Variants in FNIP1 observed in about 807,000 individuals in gnomAD.
FNIP1 encodes the protein folliculin-interacting protein 1.
FNIP1 carries 40 observed loss-of-function variants against 124.5 expected under a neutral mutation model. That is an observed-to-expected ratio of 0.32 (90% CI 0.25 to 0.42). FNIP1 has a LOEUF of 0.42. FNIP1 is among the 10% of genes least tolerant of loss of function. FNIP1 has a pLI of 1.00. For missense variants in FNIP1, 1,176 were observed against 1,403.7 expected, an observed-to-expected ratio of 0.84 and a Z score of 2.59; for synonymous variants, 472 against 470.6, an observed-to-expected ratio of 1.00 and a Z score of -0.04.
chr5:131,684,189 C>T lies in FNIP1; in HGVS notation c.1203-5014G>A, dbSNP rs536225522. Among the ~76,000 whole-genome samples the T allele has an allele frequency of 2.0e-5, 3 of 152,274 alleles. No individual in the cohort carries two copies. The East Asian group carries it at 5.8e-4, about 29-fold the overall frequency. On this transcript the variant is annotated intron_variant, in intron 11 of 17. Coordinates refer to ENST00000510461, the MANE Select transcript of FNIP1 (RefSeq NM_133372.3). ...AATGTCAAAAAAGTATATTTGTTAA[C>T]AGTATGAGAATTAAAACAAGAAGGC... is the stretch of plus-strand genomic sequence containing the variant.
intron 11 of FNIP1, among the ~76,000 whole-genome samples, chr5:131,684,043 T>C (rs1768182598): frequency 6.6e-6 from 1 of 152,214 alleles, no homozygotes; most frequent in African/African-American, 2.4e-5. Flanking sequence ...TTCTGTAAGG[T>C]ACATCACAAT....
rs1767190931 is a variant in FNIP1, at chr5:131,656,310, C to A, written c.3109-4311G>T. Among the ~76,000 whole-genome samples, 4 of 152,172 alleles carry A rather than the reference C, an allele frequency of 2.6e-5. No homozygotes were observed. In the South Asian group the frequency reaches 8.3e-4, roughly 31 times the overall value. On this transcript the variant is annotated intron_variant, in intron 15 of 17. Transcript: ENST00000510461. Reference sequence around the variant, plus strand: ...AAGTAGCTGTGGTTACCCATCATTTCAAGATCAATGAATCCACCATGAGGA... The same window carrying A: ...AAGTAGCTGTGGTTACCCATCATTTAAAGATCAATGAATCCACCATGAGGA...
intron 11 of FNIP1, among the ~76,000 whole-genome samples, chr5:131,695,059 C>T (rs962762569): frequency 6.6e-6 from 1 of 151,774 alleles, no homozygotes; most frequent in Non-Finnish European, 1.5e-5. Context: ...GAGTTGAGAT[C>T]GTGCTACTGC....
chr5:131,645,809 T>C (rs1358738628), intron 17 of FNIP1, among the ~76,000 whole-genome samples: 1 of 152,186 alleles, frequency 6.6e-6, no homozygotes, highest in Non-Finnish European at 1.5e-5. Context: ...TTAGGAAGAA[T>C]GAGATTATTC....
chr5:131,719,240 T>A, intron 4 of FNIP1, 77 bp downstream of exon 4: 1 of 1,307,702 alleles, frequency 7.6e-7, no homozygotes, highest in Non-Finnish European at 1.1e-6. Flanking sequence ...TGAGTGAAGA[T>A]CATATAAAAT....
Position 131,774,905 on chromosome 5 carries a change from T to C in FNIP1, c.92+21925A>G, listed in dbSNP as rs3775990. Among the ~76,000 whole-genome samples the C allele has an allele frequency of 5.3e-5, 8 of 152,240 alleles. No individual in the cohort carries two copies. The East Asian group carries it at 1.5e-3, about 29-fold the overall frequency. ...CCCATAAATGTTTCCTCATGCTCTC[T>C]AACTGCTATGGTATCTTCTATTAAT... On this transcript the variant is annotated intron_variant, in intron 1 of 17. Coordinates refer to ENST00000510461, the MANE Select transcript of FNIP1 (RefSeq NM_133372.3).
chr5:131,787,416 A>G (rs1229928378), intron 1 of FNIP1, among the ~76,000 whole-genome samples: 1 of 152,214 alleles, frequency 6.6e-6, no homozygotes, highest in African/African-American at 2.4e-5. Context: ...AGATGCAAGC[A>G]TACACACAGA....
intron 16 of FNIP1, among the ~76,000 whole-genome samples, chr5:131,648,948 T>C (rs1201194715): frequency 1.3e-5 from 2 of 152,240 alleles, no homozygotes; most frequent in East Asian, 3.8e-4. Flanking sequence ...CTTAGCATAA[T>C]GCTTATGAGG....
At chr5:131,654,820 A>G (rs987136942) in intron 15 of FNIP1, among the ~76,000 whole-genome samples, 1 of 152,242 alleles carries the variant, frequency 6.6e-6, no homozygotes, top group Non-Finnish European at 1.5e-5. Context: ...GTGAGAAATG[A>G]TATTGAGAAA....
intron 15 of FNIP1, among the ~76,000 whole-genome samples, chr5:131,661,627 T>C (rs553518106): frequency 1.3e-5 from 2 of 152,306 alleles, no homozygotes; most frequent in East Asian, 1.9e-4. Context: ...ACACAGCCTA[T>C]TGGGTGACAT....
intron 9 of FNIP1, 29 bp downstream of exon 9, chr5:131,706,382 C>T (rs780319634): frequency 6.3e-7 from 1 of 1,591,762 alleles, no homozygotes; most frequent in Non-Finnish European, 8.6e-7. Context: ...ACTACTCAAT[C>T]TTGTTCTGTG....
intron 10 of FNIP1, among the ~76,000 whole-genome samples, chr5:131,699,325 T>A (rs1386848217): frequency 6.6e-6 from 1 of 151,824 alleles, no homozygotes; most frequent in Non-Finnish European, 1.5e-5. Context: ...GAACAAGACA[T>A]AATGATAACT....
At chr5:131,776,529 T>C (rs192438320) in intron 1 of FNIP1, among the ~76,000 whole-genome samples, 2 of 152,340 alleles carry the variant, frequency 1.3e-5, no homozygotes, top group East Asian at 1.9e-4. Context: ...AAATTGTATC[T>C]TCACATAACA....
intron 1 of FNIP1, among the ~76,000 whole-genome samples, chr5:131,754,874 G>A (rs1770992053): frequency 6.6e-6 from 1 of 152,192 alleles, no homozygotes; most frequent in Admixed American, 6.5e-5. Flanking sequence ...CTGAACTAAG[G>A]AATAGCACTG....
intron 1 of FNIP1, among the ~76,000 whole-genome samples, chr5:131,778,938 T>A (rs1283721806): frequency 8.7e-6 from 1 of 114,506 alleles, no homozygotes; most frequent in South Asian, 3.4e-4. Flanking sequence ...TAGGTGGGAA[T>A]TGAACAATGA....
intron 6 of FNIP1, among the ~76,000 whole-genome samples, chr5:131,710,989 A>G (rs1206225529): frequency 6.6e-6 from 1 of 152,170 alleles, no homozygotes; most frequent in East Asian, 1.9e-4. Context: ...AAGATTTGAA[A>G]AAGTACGATA....
In FNIP1 at chr5:131,651,999, G is replaced by T; in HGVS notation, c.3109C>A (p.His1037Asn). 6.2e-7 allele frequency: 1 copy of T among 1,609,172 alleles called. No individual in the cohort carries two copies. The highest frequency in any genetic ancestry group is 8.5e-7 in the Non-Finnish European group (1 of 1,178,034). ...LMSDLSHAVQ[H>N]PVLDEPIAEA... ...GCTATTGGTTCATCCAAAACTGGAT[G>T]CTGGAAATAAAAGAATAATTCATCT... Residue 1037 changes from histidine (H) to asparagine (N), a missense_variant and splice_region_variant, in exon 16 of 18, where the codon CAT (histidine) becomes AAT (asparagine). Coordinates refer to ENST00000510461, the MANE Select transcript of FNIP1 (RefSeq NM_133372.3).
chr5:131,691,486 A>G (rs546860397), intron 11 of FNIP1, among the ~76,000 whole-genome samples: 10 of 152,336 alleles, frequency 6.6e-5, no homozygotes, highest in Admixed American at 3.9e-4. Flanking sequence ...AGTAAAATCT[A>G]GAGCAGAAAT....
chr5:131,645,657 C>T (rs1340882755), intron 17 of FNIP1, among the ~76,000 whole-genome samples: 1 of 152,176 alleles, frequency 6.6e-6, no homozygotes, highest in African/African-American at 2.4e-5. Context: ...TCTATCAATA[C>T]AGGCCCTTTA....
Sources: allele counts gnomAD v4.1 joint callset (sites outside exome capture counted in the v4.1 genomes callset), GRCh38; gene constraint gnomAD v4.1.1; transcripts MANE v1.5; gene names NCBI Gene and HGNC (gene_info 2026-07-23, HGNC 2026-07-21).